Variants in TMEFF2 observed in about 807,000 individuals in gnomAD.
TMEFF2 encodes the protein tomoregulin-2.
TMEFF2 carries 28 observed loss-of-function variants against 53.8 expected under a neutral mutation model. That is an observed-to-expected ratio of 0.52 (90% CI 0.39 to 0.71). TMEFF2 has a LOEUF of 0.71. Ranked by LOEUF, TMEFF2 falls within the 30% of genes least tolerant of loss-of-function variation. The pLI is 0.00. For synonymous variants in TMEFF2, 162 were observed against 166.3 expected, an observed-to-expected ratio of 0.97 and a Z score of 0.20; for missense variants, 353 against 455.2, an observed-to-expected ratio of 0.78 and a Z score of 2.04.
At chr2:192,043,072 C>T (rs1211042224) in intron 5 of TMEFF2, among the ~76,000 whole-genome samples, 1 of 152,174 alleles carries the variant, frequency 6.6e-6, no homozygotes, top group South Asian at 2.1e-4. Context: ...CAGTACTCGA[C>T]TGCCAAAAGC....
intron 5 of TMEFF2, among the ~76,000 whole-genome samples, chr2:192,007,992 T>C (rs983422149): frequency 5.3e-5 from 8 of 152,120 alleles, no homozygotes; most frequent in African/African-American, 1.9e-4. Context: ...TAGAAACTTA[T>C]TATAGGAGCT....
intron 7 of TMEFF2, among the ~76,000 whole-genome samples, chr2:191,982,303 G>C (rs1364817904): frequency 6.6e-6 from 1 of 151,996 alleles, no homozygotes; most frequent in African/African-American, 2.4e-5. Flanking sequence ...TTACAGATAA[G>C]AAAACAAAGA....
In TMEFF2 at chr2:191,949,396, T is replaced by G. The variant is rs1434086348; in HGVS notation, c.*915A>C. 5.1e-6 allele frequency: 5 copies of G among 985,330 alleles called. No homozygotes were observed. Among genetic ancestry groups the G allele is most frequent in the Non-Finnish European group, 2.4e-6 (2 of 829,912 alleles). The allele number at this position is 985,330 out of a possible 1,614,324, so 61.0% of individuals were successfully genotyped here. The stretch of plus-strand genomic sequence containing the variant: ...AGCCACAAAGCTATTCATGGGGTAT[T>G]GGTTGTGATTCTAACTTCTTTTCAA... On this transcript the variant is annotated 3_prime_UTR_variant, in exon 10 of 10. Coordinates refer to ENST00000272771, the MANE Select transcript of TMEFF2 (RefSeq NM_016192.4).
intron 7 of TMEFF2, among the ~76,000 whole-genome samples, chr2:191,997,746 T>G (rs562397501): frequency 6.6e-6 from 1 of 151,822 alleles, no homozygotes; most frequent in Non-Finnish European, 1.5e-5. Context: ...GAAACTACAT[T>G]TTAGTTTCAA....
At chr2:192,182,445 A>G (rs1691209455) in intron 3 of TMEFF2, among the ~76,000 whole-genome samples, 1 of 152,012 alleles carries the variant, frequency 6.6e-6, no homozygotes, top group Non-Finnish European at 1.5e-5. Context: ...TAGAAATCTA[A>G]GTATGTGAAT....
At chr2:192,166,543 G>A (rs1690772667) in intron 4 of TMEFF2, among the ~76,000 whole-genome samples, 3 of 152,134 alleles carry the variant, frequency 2.0e-5, no homozygotes, top group Non-Finnish European at 4.4e-5. Context: ...ATATTTCAAA[G>A]TGATAAAAAT....
intron 4 of TMEFF2, among the ~76,000 whole-genome samples, chr2:192,109,017 G>A (rs760765143): frequency 1.3e-5 from 2 of 151,900 alleles, no homozygotes; most frequent in Non-Finnish European, 2.9e-5. Flanking sequence ...ATAGATTAAA[G>A]GTTACTAGTA....
intron 5 of TMEFF2, among the ~76,000 whole-genome samples, chr2:192,041,017 C>G (rs550387630): frequency 1.3e-5 from 2 of 152,136 alleles, no homozygotes; most frequent in East Asian, 3.9e-4. Context: ...ACTATAAATC[C>G]CTTAGAAGAA....
rs58455898 is a variant in TMEFF2, at chr2:192,189,555, C to CAAAA, written c.282+2321_282+2324dup. ...GCAAGACCCTTGTCTCCAAAAATTCCAAAAAAAAAAAAAGGAATGCACGCT... is the reference window on the plus strand; with the variant it reads ...GCAAGACCCTTGTCTCCAAAAATTCCAAAAAAAAAAAAAAAAAGGAATGCACGCT... On this transcript the variant is annotated intron_variant, in intron 2 of 9. Transcript: ENST00000272771. Among the ~76,000 whole-genome samples the CAAAA allele has an allele frequency of 1.5e-3, 62 of 41,108 alleles. 5 individuals carry two copies. Among genetic ancestry groups the CAAAA allele is most frequent in the Non-Finnish European group, 2.5e-3 (56 of 22,358 alleles). The allele number at this position is 41,108 out of a possible 152,430, so 27.0% of individuals were successfully genotyped here.
intron 4 of TMEFF2, among the ~76,000 whole-genome samples, chr2:192,090,727 C>T (rs998291374): frequency 1.3e-4 from 20 of 152,142 alleles, no homozygotes; most frequent in Admixed American, 3.9e-4. Context: ...TTTAGTACAG[C>T]GTTAATCAAT....
intron 4 of TMEFF2, among the ~76,000 whole-genome samples, chr2:192,154,123 A>T (rs536991477): frequency 5.9e-5 from 9 of 151,970 alleles, no homozygotes; most frequent in African/African-American, 2.2e-4. Context: ...TTGGGTTCCT[A>T]TGATTAGAGG....
At chr2:192,192,035 T>G (rs982204618) in intron 1 of TMEFF2, 46 bp from the exon 2 acceptor site, 2 of 1,356,364 alleles carry the variant, frequency 1.5e-6, no homozygotes, top group African/African-American at 2.9e-5. Flanking sequence ...ATCTTACAGA[T>G]TTTTAACAAA....
chr2:192,130,956 C>T (rs547296762), intron 4 of TMEFF2, among the ~76,000 whole-genome samples: 14 of 151,736 alleles, frequency 9.2e-5, no homozygotes, highest in East Asian at 2.0e-4. Context: ...ATTGCAGGGA[C>T]GCCTGATTAT....
At chr2:192,159,048 C>T (rs1574423298) in intron 4 of TMEFF2, among the ~76,000 whole-genome samples, 1 of 152,068 alleles carries the variant, frequency 6.6e-6, no homozygotes, top group East Asian at 1.9e-4. Flanking sequence ...CTAGAAACTC[C>T]TCCTCAAGGC....
At chr2:191,996,553 T>C (rs996567502) in intron 7 of TMEFF2, among the ~76,000 whole-genome samples, 1 of 151,908 alleles carries the variant, frequency 6.6e-6, no homozygotes, top group East Asian at 1.9e-4. Context: ...TATTTTTCAT[T>C]ATTATCTTTT....
At chr2:192,049,696 G>T (rs143798632) in intron 5 of TMEFF2, among the ~76,000 whole-genome samples, 126 of 152,184 alleles carry the variant, frequency 8.3e-4, no homozygotes, top group Non-Finnish European at 9.9e-4. Context: ...TCAAAAGCAA[G>T]CAAAGATTTA....
intron 4 of TMEFF2, among the ~76,000 whole-genome samples, chr2:192,110,724 G>T (rs57697460): frequency 6.6e-6 from 1 of 152,026 alleles, no homozygotes; most frequent in Non-Finnish European, 1.5e-5. Flanking sequence ...GTTAAGATGT[G>T]TGTTTGTTAT....
intron 4 of TMEFF2, among the ~76,000 whole-genome samples, chr2:192,116,883 T>C (rs2356945): frequency 0.42 from 64,399 of 151,888 alleles, 13,876 homozygotes; most frequent in South Asian, 0.49. Context: ...GATAAGAGTT[T>C]GTAAACCTTT....
chr2:192,116,280 A>G (rs998020449), intron 4 of TMEFF2, among the ~76,000 whole-genome samples: 5 of 152,042 alleles, frequency 3.3e-5, no homozygotes, highest in Admixed American at 6.6e-5. Context: ...TAAAGAGTCA[A>G]ACTCATGGAA....
Sources: gnomAD v4.1 joint callset for allele counts (sites outside exome capture counted in the v4.1 genomes callset) on GRCh38, gnomAD v4.1.1 for gene constraint, MANE v1.5 for transcripts, NCBI Gene and HGNC (gene_info 2026-07-23, HGNC 2026-07-21) for gene names.